The following TTBK2 variants were observed in gnomAD, a reference collection of about 807,000 sequenced individuals.
The protein encoded by TTBK2 is tau-tubulin kinase 2.
A neutral mutation model predicts 110.8 loss-of-function variants in TTBK2; 28 were observed. That is an observed-to-expected ratio of 0.25 (90% CI 0.19 to 0.35). The LOEUF is 0.35. Ranked by LOEUF, TTBK2 falls within the 10% of genes least tolerant of loss-of-function variation. The pLI is 1.00. For synonymous variants in TTBK2, 532 were observed against 527.3 expected (o/e 1.01, Z -0.12); for missense variants, 1,369 against 1,500.3 (o/e 0.91, Z 1.45).
chr15:42,920,087 C>T (rs767423497), intron 1 of TTBK2, among the ~76,000 whole-genome samples: 1 of 152,136 alleles, frequency 6.6e-6, no homozygotes, highest in South Asian at 2.1e-4. Flanking sequence ...TCCTAGGAAT[C>T]CTTCGTGTTC....
chr15:42,749,535 G>A, intron 14 of TTBK2, among the ~76,000 whole-genome samples: 1 of 152,186 alleles, frequency 6.6e-6, no homozygotes, highest in East Asian at 1.9e-4. Flanking sequence ...AACCAGGTGG[G>A]CAAAAAGAAC....
At chr15:42,870,110 G>A (rs916885248) in intron 3 of TTBK2, among the ~76,000 whole-genome samples, 6 of 152,060 alleles carry the variant, frequency 3.9e-5, no homozygotes, top group Admixed American at 3.3e-4. Context: ...GGAGGCGGAG[G>A]TTGCAGTGAG....
chr15:42,746,316 G>C (rs2061794883), intron 14 of TTBK2, 59 bp from the exon 15 acceptor site: 1 of 1,321,800 alleles, frequency 7.6e-7, no homozygotes, highest in Non-Finnish European at 1.0e-6. Flanking sequence ...TGCCTAAAAA[G>C]TCACAATGTC....
chr15:42,827,494 GC>G (rs1437536862), intron 6 of TTBK2, among the ~76,000 whole-genome samples: 1 of 152,146 alleles, frequency 6.6e-6, no homozygotes, highest in Non-Finnish European at 1.5e-5. Context: ...TTTCAAAGTA[GC>G]CATTATAGAT....
intron 9 of TTBK2, among the ~76,000 whole-genome samples, chr15:42,807,760 T>C (rs916312731): frequency 6.6e-6 from 1 of 152,210 alleles, no homozygotes; most frequent in Non-Finnish European, 1.5e-5. Flanking sequence ...ATAGTTGTTA[T>C]AATATTCAGA....
At chr15:42,900,336 AT>A (rs1356794157) in intron 1 of TTBK2, among the ~76,000 whole-genome samples, 1 of 152,218 alleles carries the variant, frequency 6.6e-6, no homozygotes, top group Non-Finnish European at 1.5e-5. Flanking sequence ...AAAACAGTAC[AT>A]ATGTATGATC....
At chr15:42,754,817 T>C (rs1186857035) in intron 13 of TTBK2, among the ~76,000 whole-genome samples, 5 of 145,738 alleles carry the variant, frequency 3.4e-5, no homozygotes, top group Non-Finnish European at 7.6e-5. Flanking sequence ...GAGACCAGCC[T>C]GGCCAACATG....
intron 9 of TTBK2, among the ~76,000 whole-genome samples, chr15:42,808,666 G>A (rs557964233): frequency 6.6e-6 from 1 of 151,610 alleles, no homozygotes; most frequent in African/African-American, 2.4e-5. Flanking sequence ...GGGCAACATA[G>A]GGAAACCTCA....
chr15:42,787,868 T>C (rs1241727322), intron 10 of TTBK2, among the ~76,000 whole-genome samples: 1 of 152,214 alleles, frequency 6.6e-6, no homozygotes, highest in Admixed American at 6.5e-5. Flanking sequence ...ATGCCATCGT[T>C]AAGCAATTTC....
intron 10 of TTBK2, among the ~76,000 whole-genome samples, chr15:42,785,245 A>T (rs550247097): frequency 6.7e-6 from 1 of 149,644 alleles, no homozygotes; most frequent in East Asian, 2.0e-4. Flanking sequence ...TCGGCCTCCC[A>T]AATAGCTAGG....
In TTBK2 at chr15:42,742,566, A is replaced by C. The variant is rs749568668; in HGVS notation, c.*3229T>G. On this transcript the variant is annotated 3_prime_UTR_variant, in exon 15 of 15. Transcript: ENST00000267890. ...GCAGAATTCAGGAGAAATGCTACCT[A>C]AAGTGATTGAGCTGTTGCTAATTCT... 10 of 152,214 alleles carry C rather than the reference A, an allele frequency of 6.6e-5. No individual in the cohort carries two copies. Among genetic ancestry groups the C allele is most frequent in the African/African-American group, 1.4e-4 (6 of 41,440 alleles). The allele number at this position is 152,214 out of a possible 1,614,324, so 9.4% of individuals were successfully genotyped here.
chr15:42,801,772 AG>A (rs1221603708), intron 9 of TTBK2: 2 of 819,328 alleles, frequency 2.4e-6, no homozygotes, highest in South Asian at 2.6e-5. Flanking sequence ...CAGCTCTTTC[AG>A]GGAAGACTCC....
At chr15:42,786,119 C>T (rs1300174029) in intron 10 of TTBK2, among the ~76,000 whole-genome samples, 2 of 89,522 alleles carry the variant, frequency 2.2e-5, no homozygotes, top group Non-Finnish European at 2.3e-5. Context: ...AATGGCTCCC[C>T]GAAAAAAAAG....
intron 5 of TTBK2, among the ~76,000 whole-genome samples, chr15:42,829,434 A>C (rs1892660124): frequency 6.6e-6 from 1 of 152,376 alleles, no homozygotes; most frequent in South Asian, 2.1e-4. Context: ...TAGTTTCTTA[A>C]CCAATATATC....
At chr15:42,804,441 CAA>C (rs1289654692) in intron 9 of TTBK2, among the ~76,000 whole-genome samples, 12 of 107,792 alleles carry the variant, frequency 1.1e-4, no homozygotes, top group Middle Eastern at 5.5e-3. Flanking sequence ...AACTCCATCT[CAA>C]AAAAAAAAAA....
chr15:42,896,369 T>G (rs1335671108), intron 1 of TTBK2, among the ~76,000 whole-genome samples: 1 of 152,058 alleles, frequency 6.6e-6, no homozygotes. Flanking sequence ...ACAGAAAAGA[T>G]AGTCTTCTCA....
At chr15:42,857,223 G>C (rs1488800972) in intron 3 of TTBK2, among the ~76,000 whole-genome samples, 1 of 152,072 alleles carries the variant, frequency 6.6e-6, no homozygotes, top group Non-Finnish European at 1.5e-5. Context: ...GTTCTAAAAA[G>C]TAAAGTCCAG....
At chr15:42,889,986 C>A (rs1291071014) in intron 1 of TTBK2, among the ~76,000 whole-genome samples, 1 of 152,180 alleles carries the variant, frequency 6.6e-6, no homozygotes, top group East Asian at 1.9e-4. Flanking sequence ...CCAAGCTATG[C>A]CACCATATCT....
chr15:42,753,156 G>C lies in TTBK2; in HGVS notation c.2090C>G (p.Pro697Arg), dbSNP rs2061893953. The C allele has an allele frequency of 6.2e-7, 1 of 1,604,190 alleles. No individual in the cohort carries two copies. The highest frequency in any genetic ancestry group is 8.5e-7 in the Non-Finnish European group (1 of 1,177,168). ...GQQPEKKDLQ[P>R]MEPTVELYSP... ...GTAAAGTTCCACAGTGGGCTCCATG[G>C]GCTGAAGATCTTTCTTCTCTGGCTG... The change falls in exon 14 of 15, where the codon CCC becomes CGC. Residue 697 changes from proline (P) to arginine (R), a missense_variant. By Grantham distance (103) the Pro-to-Arg change is moderately radical. Transcript: ENST00000267890.
Sources: allele counts gnomAD v4.1 joint callset (sites outside exome capture counted in the v4.1 genomes callset), GRCh38; gene constraint gnomAD v4.1.1; transcripts MANE v1.5; gene names NCBI Gene and HGNC (gene_info 2026-07-23, HGNC 2026-07-21).